PGBD2: variants seen among roughly 807,000 people sequenced by gnomAD.
PGBD2 encodes the protein piggyBac transposable element-derived protein 2.
A neutral mutation model predicts 8.1 loss-of-function variants in PGBD2; 6 were observed. That is an observed-to-expected ratio of 0.74 (90% confidence interval 0.40 to 1.46). PGBD2 has a LOEUF of 1.46. PGBD2 is among the 40% of genes most tolerant of loss of function. The pLI is 0.02. For synonymous variants in PGBD2, 318 were observed against 272.2 expected (o/e 1.17, Z -1.66); for missense variants, 802 against 739.0 (o/e 1.09, Z -0.99).
chr1:248,878,909 A>C, the PGBD2 span, among the ~76,000 whole-genome samples: 42 of 151,996 alleles, frequency 2.8e-4, no homozygotes, highest in African/African-American at 9.9e-4. Flanking sequence ...GGTTGGAGTG[A>C]TTTAATGGTC....
chr1:248,907,519 C>T (rs757415430), intron 1 of PGBD2, among the ~76,000 whole-genome samples: 12 of 152,070 alleles, frequency 7.9e-5, no homozygotes, highest in African/African-American at 1.2e-4. Context: ...TCTCTTCCCA[C>T]GAGGCTGTAT....
downstream of PGBD2, among the ~76,000 whole-genome samples, chr1:248,921,640 A>G (rs1662289108): frequency 6.6e-6 from 1 of 152,162 alleles, no homozygotes; most frequent in Non-Finnish European, 1.5e-5. Context: ...TTCCACATGA[A>G]ATTTAAAGTA....
At chr1:248,908,256 G>A (rs1252221182) in intron 1 of PGBD2, among the ~76,000 whole-genome samples, 4 of 152,136 alleles carry the variant, frequency 2.6e-5, no homozygotes, top group South Asian at 4.1e-4. Flanking sequence ...CTTTAGAGTG[G>A]CCTGGGGAGC....
chr1:248,901,398 G>C (rs1331541277), upstream of PGBD2, among the ~76,000 whole-genome samples: 5 of 152,236 alleles, frequency 3.3e-5, no homozygotes, highest in South Asian at 6.2e-4. Context: ...ATGACACATA[G>C]ATCAATGGAA....
At chr1:248,904,768 A>C (rs1661591046), upstream of PGBD2, among the ~76,000 whole-genome samples, 1 of 152,028 alleles carries the variant, frequency 6.6e-6, no homozygotes, top group Non-Finnish European at 1.5e-5. Context: ...TCACTTACCA[A>C]CCTTCCCTGA....
chr1:248,912,242 C>T (rs1335147373), intron 1 of PGBD2, among the ~76,000 whole-genome samples: 2 of 152,126 alleles, frequency 1.3e-5, no homozygotes, highest in East Asian at 1.9e-4. Context: ...GTTTGCATTT[C>T]CCCCCAGTAT....
At position 248,917,831 on chromosome 1, in the gene PGBD2, G is replaced by A; in HGVS notation, c.1247G>A (p.Ser416Asn). 1 of 1,614,206 alleles carries A rather than the reference G, an allele frequency of 6.2e-7. No individual in the cohort carries two copies. The highest frequency in any genetic ancestry group is 8.5e-7 in the Non-Finnish European group (1 of 1,180,050). ...EEIIVCRWHD[S>N]SVVNICSNAV... ...ATCATCGTGTGCCGCTGGCACGATA[G>A]CAGCGTGGTCAACATTTGCTCCAAT... Residue 416 changes from serine (S) to asparagine (N), a missense_variant, in exon 3 of 3, where the codon AGC (serine) becomes AAC (asparagine). Transcript: ENST00000329291.
downstream of PGBD2, among the ~76,000 whole-genome samples, chr1:248,920,211 C>T (rs369585869): frequency 3.3e-5 from 5 of 151,910 alleles, no homozygotes; most frequent in Non-Finnish European, 7.4e-5. Flanking sequence ...GTTTTTGTTA[C>T]ATAGGTATAC....
the PGBD2 span, among the ~76,000 whole-genome samples, chr1:248,887,771 C>G: frequency 6.6e-6 from 1 of 152,086 alleles, no homozygotes; most frequent in Non-Finnish European, 1.5e-5. Flanking sequence ...CGTTCAATGG[C>G]AAAAACCACA....
At chr1:248,904,291 T>C (rs147369505), upstream of PGBD2, among the ~76,000 whole-genome samples, 119 of 151,550 alleles carry the variant, frequency 7.9e-4, 1 homozygote, top group East Asian at 0.019. Flanking sequence ...TTTTTTTTTT[T>C]CCCAATTCCT....
At chr1:248,906,674 C>G (rs899890934) in intron 1 of PGBD2, among the ~76,000 whole-genome samples, 20 of 1,964 alleles carry the variant, frequency 0.01, no homozygotes, top group Non-Finnish European at 0.018. Flanking sequence ...GCGGGGTGGG[C>G]GGGACGAAGG....
At chr1:248,885,275 C>G in the PGBD2 span, among the ~76,000 whole-genome samples, 1 of 151,728 alleles carries the variant, frequency 6.6e-6, no homozygotes, top group Non-Finnish European at 1.5e-5. Context: ...GCTAGGACTA[C>G]AGGCATGAGC....
chr1:248,895,510 G>T, the PGBD2 span, among the ~76,000 whole-genome samples: 201 of 152,070 alleles, frequency 1.3e-3, no homozygotes, highest in African/African-American at 4.6e-3. Context: ...AGACATTTAA[G>T]GAATTAAATA....
the PGBD2 span, among the ~76,000 whole-genome samples, chr1:248,899,542 A>G: frequency 6.6e-6 from 1 of 152,298 alleles, no homozygotes; most frequent in Non-Finnish European, 1.5e-5. Context: ...TTTGAAGCCA[A>G]TGAGAACAAA....
chr1:248,909,469 T>G (rs922118274), intron 1 of PGBD2, among the ~76,000 whole-genome samples: 3 of 152,082 alleles, frequency 2.0e-5, no homozygotes, highest in Non-Finnish European at 2.9e-5. Flanking sequence ...ATAGTAAAGA[T>G]GAAAATGAAA....
At chr1:248,929,152 G>T in the PGBD2 span, among the ~76,000 whole-genome samples, 1 of 152,118 alleles carries the variant, frequency 6.6e-6, no homozygotes, top group Non-Finnish European at 1.5e-5. Context: ...TGCTATATGT[G>T]CCTCTGGCTT....
the PGBD2 span, among the ~76,000 whole-genome samples, chr1:248,926,178 T>C: frequency 6.6e-6 from 1 of 152,112 alleles, no homozygotes; most frequent in Admixed American, 6.5e-5. Context: ...GGACACGTGT[T>C]GTTCTACCCC....
the PGBD2 span, among the ~76,000 whole-genome samples, chr1:248,885,771 T>C: frequency 6.6e-6 from 1 of 152,246 alleles, no homozygotes; most frequent in African/African-American, 2.4e-5. Context: ...CCTTCCTAAA[T>C]TCTGCATTGA....
chr1:248,918,532 A>T lies in PGBD2; in HGVS notation c.*169A>T. On this transcript the variant is annotated 3_prime_UTR_variant, in exon 3 of 3. Coordinates refer to ENST00000329291, the MANE Select transcript of PGBD2 (RefSeq NM_170725.3). ...GTTATCTTTTTTATTGTGTTGTGTT[A>T]TGCCTACATGTGATATAAATTAATA... 1 of 443,460 alleles carries T rather than the reference A, an allele frequency of 2.3e-6. No individual in the cohort carries two copies. Among genetic ancestry groups the T allele is most frequent in the Non-Finnish European group, 4.0e-6 (1 of 251,522 alleles). 27.5% of individuals were successfully genotyped at this position (443,460 alleles called of 1,614,324 possible). A position where few individuals can be genotyped will look rare whatever the true frequency, so the allele number is the denominator to read the frequency against.
Sources: allele counts gnomAD v4.1 joint callset (sites outside exome capture counted in the v4.1 genomes callset), GRCh38; gene constraint gnomAD v4.1.1; transcripts MANE v1.5; gene names NCBI Gene and HGNC (gene_info 2026-07-23, HGNC 2026-07-21).